PDE11A: variants seen among roughly 807,000 people sequenced by gnomAD.
PDE11A encodes dual 3',5'-cyclic-AMP and -GMP phosphodiesterase 11A.
A neutral mutation model predicts 100.5 loss-of-function variants in PDE11A; 100 were observed. That is an observed-to-expected ratio of 1.00 (90% CI 0.85 to 1.18). The LOEUF (loss-of-function observed/expected upper bound fraction) is 1.18. PDE11A is among the 50% of genes most tolerant of loss of function. The pLI is 0.00. For missense variants in PDE11A, 1,141 were observed against 1,152.6 expected (o/e 0.99, Z 0.15); for synonymous variants, 381 against 420.8 (o/e 0.91, Z 1.16).
intron 9 of PDE11A, among the ~76,000 whole-genome samples, chr2:177,789,654 C>T (rs1455089051): frequency 6.6e-6 from 1 of 151,974 alleles, no homozygotes. Context: ...TGTCTCAGCC[C>T]AAAATCTTCT....
chr2:177,855,061 AT>A (rs2083806968), intron 5 of PDE11A, among the ~76,000 whole-genome samples: 1 of 152,144 alleles, frequency 6.6e-6, no homozygotes. Context: ...GGTTTTCTTC[AT>A]TTCCTTGACA....
chr2:177,656,776 A>G (rs535103967), intron 19 of PDE11A, among the ~76,000 whole-genome samples: 24 of 152,372 alleles, frequency 1.6e-4, no homozygotes, highest in African/African-American at 5.3e-4. Context: ...GAGGTTTTAC[A>G]GAAGTCACAG....
rs1378156985 is a variant in PDE11A, at chr2:177,781,266, G to A, written c.1738-11893C>T. Among the ~76,000 whole-genome samples, 4 of 152,290 alleles carry A rather than the reference G, an allele frequency of 2.6e-5. No homozygotes were observed. The East Asian group carries it at 7.7e-4, about 29-fold the overall frequency. On this transcript the variant is annotated intron_variant, in intron 9 of 19. Transcript: ENST00000286063. ...AAAACATTTATCAATTAAGTTTACC[G>A]CCTTATATGGGCACAGTTCATAGTG...
chr2:177,880,562 T>TG (rs1425366580), intron 4 of PDE11A, among the ~76,000 whole-genome samples: 1 of 152,164 alleles, frequency 6.6e-6, no homozygotes, highest in African/African-American at 2.4e-5. Flanking sequence ...ACTGTAACTG[T>TG]GAGTGTAACA....
At chr2:178,065,633 T>A (rs1485417047) in intron 1 of PDE11A, among the ~76,000 whole-genome samples, 1 of 152,130 alleles carries the variant, frequency 6.6e-6, no homozygotes, top group East Asian at 1.9e-4. Flanking sequence ...GTGAACATGT[T>A]TGCGCGCTTG....
chr2:177,817,990 T>C lies in PDE11A; in HGVS notation c.1577-65A>G, dbSNP rs1010077301. ...TGGACATTGTGTTTCTCTAATAGAGTAGCCACAGCTAACTCTATGCCTTTT... is the reference window on the plus strand; with the variant it reads ...TGGACATTGTGTTTCTCTAATAGAGCAGCCACAGCTAACTCTATGCCTTTT... On this transcript the variant is annotated intron_variant, in intron 7 of 19. Transcript: ENST00000286063. 4 of 805,888 alleles carry C rather than the reference T, an allele frequency of 5.0e-6. 1 individual carries two copies. Among genetic ancestry groups the C allele is most frequent in the Non-Finnish European group, 8.9e-6 (4 of 448,022 alleles). 49.9% of individuals were successfully genotyped at this position (805,888 alleles called of 1,614,324 possible). A position where few individuals can be genotyped will look rare whatever the true frequency, so the allele number is the denominator to read the frequency against.
chr2:178,098,102 C>G (rs1013840708), intron 2 of PDE11A, among the ~76,000 whole-genome samples: 1 of 152,128 alleles, frequency 6.6e-6, no homozygotes, highest in Non-Finnish European at 1.5e-5. Context: ...AGGCAACAGG[C>G]TGGTTTCATA....
Position 177,631,016 on chromosome 2 carries a change from G to A in PDE11A, c.2647-1454C>T, listed in dbSNP as rs989120669. ...TATATATTTTAAGTAACATGTTAGT[G>A]TTAGAAAATATAGAAACAATAGGTT... On this transcript the variant is annotated intron_variant, in intron 19 of 19. Transcript: ENST00000286063. Among the ~76,000 whole-genome samples, 11 of 151,942 alleles carry A rather than the reference G, an allele frequency of 7.2e-5. No homozygotes were observed. The South Asian group carries it at 8.3e-4, about 11-fold the overall frequency.
At chr2:177,753,765 G>A (rs1208295750) in intron 10 of PDE11A, among the ~76,000 whole-genome samples, 1 of 150,670 alleles carries the variant, frequency 6.6e-6, no homozygotes, top group East Asian at 1.9e-4. Context: ...CCTTTATCAG[G>A]CAGATAAGAT....
At chr2:177,644,548 G>A (rs1421454057) in intron 19 of PDE11A, among the ~76,000 whole-genome samples, 1 of 152,182 alleles carries the variant, frequency 6.6e-6, no homozygotes, top group East Asian at 1.9e-4. Flanking sequence ...TGGCTCATAG[G>A]CAGAAGGGAT....
At chr2:177,673,909 T>C (rs2080725597) in intron 17 of PDE11A, among the ~76,000 whole-genome samples, 1 of 152,166 alleles carries the variant, frequency 6.6e-6, no homozygotes, top group Non-Finnish European at 1.5e-5. Flanking sequence ...GTCAGAATGA[T>C]CTAGGTAGTG....
At chr2:177,794,568 G>C (rs2082678477) in intron 9 of PDE11A, among the ~76,000 whole-genome samples, 1 of 152,150 alleles carries the variant, frequency 6.6e-6, no homozygotes, top group African/African-American at 2.4e-5. Context: ...TTTTCAAAGA[G>C]ATAAAGGCAG....
At chr2:178,097,076 C>CGG (rs1290481327) in intron 2 of PDE11A, among the ~76,000 whole-genome samples, 6 of 152,062 alleles carry the variant, frequency 3.9e-5, no homozygotes, top group Admixed American at 3.9e-4. Context: ...TTAGTAGAGA[C>CGG]GGGGTTTCAC....
intron 9 of PDE11A, among the ~76,000 whole-genome samples, chr2:177,816,159 C>T (rs979424673): frequency 5.3e-5 from 8 of 151,668 alleles, no homozygotes; most frequent in African/African-American, 1.9e-4. Flanking sequence ...TGCAGTGAGC[C>T]GAGATGGCAC....
chr2:177,837,790 T>C (rs2083428897), intron 6 of PDE11A, among the ~76,000 whole-genome samples: 2 of 152,220 alleles, frequency 1.3e-5, no homozygotes, highest in Admixed American at 6.5e-5. Context: ...GCTTGTTGGT[T>C]TCACCTGTGA....
chr2:177,740,798 T>C (rs981091108), intron 10 of PDE11A, among the ~76,000 whole-genome samples: 7 of 152,226 alleles, frequency 4.6e-5, no homozygotes, highest in Non-Finnish European at 8.8e-5. Flanking sequence ...TCATCATTCA[T>C]AAGTTCCATA....
At chr2:177,940,485 T>C (rs1299882604) in intron 2 of PDE11A, among the ~76,000 whole-genome samples, 2 of 152,204 alleles carry the variant, frequency 1.3e-5, no homozygotes, top group African/African-American at 4.8e-5. Flanking sequence ...ACTAAGAAGG[T>C]AGGATTTCAG....
chr2:178,082,517 G>C (rs916166410), intron 2 of PDE11A, among the ~76,000 whole-genome samples: 7 of 152,122 alleles, frequency 4.6e-5, no homozygotes, highest in African/African-American at 1.7e-4. Context: ...CCAGTCAGAA[G>C]CTGGAAACAG....
At chr2:177,906,337 G>C (rs924279658) in intron 2 of PDE11A, among the ~76,000 whole-genome samples, 18 of 152,192 alleles carry the variant, frequency 1.2e-4, no homozygotes, top group Non-Finnish European at 1.8e-4. Context: ...GGAAGCACTT[G>C]TGAAGCACCC....
Sources: gnomAD v4.1 joint callset for allele counts (sites outside exome capture counted in the v4.1 genomes callset) on GRCh38, gnomAD v4.1.1 for gene constraint, MANE v1.5 for transcripts, NCBI Gene and HGNC (gene_info 2026-07-23, HGNC 2026-07-21) for gene names.